STK24: variants seen among roughly 807,000 people sequenced by gnomAD.
The protein encoded by STK24 is serine/threonine-protein kinase 24.
Under a neutral mutation model 55.6 loss-of-function variants are expected in STK24, and 21 were observed. That is an observed-to-expected ratio of 0.38 (90% confidence interval 0.27 to 0.54). The LOEUF is 0.54. Ranked by LOEUF, STK24 falls within the 20% of genes least tolerant of loss-of-function variation. The pLI, the probability that STK24 is intolerant of heterozygous loss-of-function variation, is 0.79. For synonymous variants in STK24, 200 were observed against 215.2 expected, an observed-to-expected ratio of 0.93 and a Z score of 0.62; for missense variants, 383 against 538.4, an observed-to-expected ratio of 0.71 and a Z score of 2.86.
chr13:98,453,502 A>G (rs775028943), intron 10 of STK24: 60 of 371,582 alleles, frequency 1.6e-4, no homozygotes, highest in East Asian at 1.1e-3. Flanking sequence ...CTTACGATCA[A>G]TTGTCAAAAA....
intron 8 of STK24, among the ~76,000 whole-genome samples, chr13:98,460,754 T>C (rs935463040): frequency 2.0e-5 from 3 of 152,136 alleles, no homozygotes; most frequent in African/African-American, 7.2e-5. Flanking sequence ...AGAAGTGCTT[T>C]ACTGGTTGGG....
chr13:98,535,353 CAAACAAACAAAAA>C (rs1401657507), intron 1 of STK24, among the ~76,000 whole-genome samples: 4 of 43,592 alleles, frequency 9.2e-5, no homozygotes, highest in African/African-American at 1.5e-4. Context: ...AACAAACAAA[CAAACAAACAAAAA>C]AAAAATATAT....
At chr13:98,544,898 G>C (rs188930884) in intron 1 of STK24, among the ~76,000 whole-genome samples, 31 of 152,200 alleles carry the variant, frequency 2.0e-4, no homozygotes, top group African/African-American at 7.5e-4. Context: ...GCAGCAAAAA[G>C]TAGAAAACAA....
intron 1 of STK24, among the ~76,000 whole-genome samples, chr13:98,536,731 T>C (rs965367139): frequency 6.6e-6 from 1 of 152,144 alleles, no homozygotes; most frequent in Non-Finnish European, 1.5e-5. Flanking sequence ...AGGAGCCCAG[T>C]GCTCTGGGGT....
chr13:98,499,337 C>A (rs569788013), intron 2 of STK24, among the ~76,000 whole-genome samples: 18 of 152,282 alleles, frequency 1.2e-4, no homozygotes, highest in African/African-American at 4.3e-4. Context: ...GAGGGAATCC[C>A]GCACCTTGGG....
intron 1 of STK24, among the ~76,000 whole-genome samples, chr13:98,523,695 C>A (rs1425614595): frequency 6.6e-6 from 1 of 152,216 alleles, no homozygotes; most frequent in Non-Finnish European, 1.5e-5. Context: ...TGGCCTCAAC[C>A]ATGCCATTAG....
rs761482974 is a variant in STK24, at chr13:98,461,772, A to G, written c.1053+2T>C. The G allele has an allele frequency of 1.2e-6, 2 of 1,613,892 alleles. No homozygotes were observed. On this transcript the variant is annotated splice_donor_variant, in intron 8 of 10. Transcript: ENST00000539966. LOFTEE classifies it high-confidence loss of function. ...TGGCCATTCTGGAGTGAGCAGACGTACCTTATTTCTGTCCAAGTCCGATGG... is the reference window on the plus strand; with the variant it reads ...TGGCCATTCTGGAGTGAGCAGACGTGCCTTATTTCTGTCCAAGTCCGATGG...
At chr13:98,525,867 G>T (rs1428937874) in intron 1 of STK24, among the ~76,000 whole-genome samples, 1 of 152,370 alleles carries the variant, frequency 6.6e-6, no homozygotes. Context: ...TGCAGGGTCT[G>T]AATAGAAGGC....
At chr13:98,565,701 AAC>A (rs1426756476) in intron 1 of STK24, among the ~76,000 whole-genome samples, 3 of 152,058 alleles carry the variant, frequency 2.0e-5, no homozygotes, top group South Asian at 4.1e-4. Context: ...CATCCAAAAC[AAC>A]ACAGTCTGGG....
chr13:98,558,218 T>C (rs892010372), intron 1 of STK24, among the ~76,000 whole-genome samples: 3 of 152,214 alleles, frequency 2.0e-5, no homozygotes, highest in Admixed American at 1.3e-4. Flanking sequence ...GCCTTACACA[T>C]TGGCTGATAT....
chr13:98,488,737 G>A (rs377435555), intron 2 of STK24, among the ~76,000 whole-genome samples: 82 of 152,216 alleles, frequency 5.4e-4, no homozygotes, highest in African/African-American at 1.2e-3. Context: ...ATCATTGACC[G>A]GAACCAGGGC....
At chr13:98,499,402 C>T (rs1895363477) in intron 2 of STK24, among the ~76,000 whole-genome samples, 2 of 152,198 alleles carry the variant, frequency 1.3e-5, no homozygotes, top group Admixed American at 1.3e-4. Flanking sequence ...TCACACCCTC[C>T]TGGTGTGTTC....
At chr13:98,470,617 T>A (rs1288014272) in intron 5 of STK24, among the ~76,000 whole-genome samples, 2 of 152,168 alleles carry the variant, frequency 1.3e-5, no homozygotes, top group African/African-American at 4.8e-5. Context: ...AATGCACACA[T>A]TAACTGCGAA....
intron 2 of STK24, among the ~76,000 whole-genome samples, chr13:98,516,643 C>T (rs1354441477): frequency 6.6e-6 from 1 of 152,336 alleles, no homozygotes; most frequent in East Asian, 1.9e-4. Flanking sequence ...ACACGTGAGC[C>T]TCCATTTCTC....
chr13:98,468,503 G>A (rs1485561117), intron 5 of STK24, among the ~76,000 whole-genome samples: 1 of 152,198 alleles, frequency 6.6e-6, no homozygotes, highest in Non-Finnish European at 1.5e-5. Context: ...GGAGTGAGCA[G>A]GCACAAGGAG....
intron 1 of STK24, among the ~76,000 whole-genome samples, chr13:98,535,214 G>A (rs1896682700): frequency 6.6e-6 from 1 of 152,124 alleles, no homozygotes; most frequent in African/African-American, 2.4e-5. Flanking sequence ...GCACGTGTCT[G>A]TAATCCCAAC....
At chr13:98,567,240 C>T (rs1299749370) in intron 1 of STK24, among the ~76,000 whole-genome samples, 1 of 152,266 alleles carries the variant, frequency 6.6e-6, no homozygotes, top group Non-Finnish European at 1.5e-5. Context: ...AACATGCAAT[C>T]TGCTAACACA....
intron 1 of STK24, among the ~76,000 whole-genome samples, chr13:98,562,259 C>T (rs1156428168): frequency 1.3e-5 from 2 of 152,134 alleles, no homozygotes; most frequent in African/African-American, 4.8e-5. Flanking sequence ...AATACTTTAA[C>T]GGAGATGGAG....
chr13:98,519,212 G>A (rs753834874), intron 2 of STK24, 31 bp downstream of exon 2: 15 of 1,578,926 alleles, frequency 9.5e-6, no homozygotes, highest in Admixed American at 1.7e-5. Flanking sequence ...AAGTGCTGCA[G>A]AACGGAGAAG....
Sources: gnomAD v4.1 joint callset for allele counts (sites outside exome capture counted in the v4.1 genomes callset) on GRCh38, gnomAD v4.1.1 for gene constraint, MANE v1.5 for transcripts, NCBI Gene and HGNC (gene_info 2026-07-23, HGNC 2026-07-21) for gene names.